PCNX2: variants seen among roughly 807,000 people sequenced by gnomAD.
PCNX2 encodes the protein pecanex 2.
A neutral mutation model predicts 223.8 loss-of-function variants in PCNX2; 168 were observed. The ratio of observed to expected loss-of-function variants is 0.75; its 90% CI spans 0.66 to 0.85. The LOEUF (loss-of-function observed/expected upper bound fraction) is 0.85, where lower values mean the gene tolerates loss of function less well. Among genes scored for constraint, PCNX2 ranks in the 40% least tolerant of loss-of-function variants. The pLI is 0.00. For missense variants in PCNX2, 2,507 were observed against 2,675.5 expected, an observed-to-expected ratio of 0.94 and a Z score of 1.39; for synonymous variants, 1,006 against 1,052.6, an observed-to-expected ratio of 0.96 and a Z score of 0.86.
intron 25 of PCNX2, among the ~76,000 whole-genome samples, chr1:233,033,816 C>G (rs1671352588): frequency 1.3e-5 from 2 of 152,172 alleles, no homozygotes; most frequent in Non-Finnish European, 2.9e-5. Flanking sequence ...AACTGGATAC[C>G]TTTCAGGAAA....
At chr1:233,179,015 G>C in intron 16 of PCNX2, 51 bp downstream of exon 16, 3 of 1,535,526 alleles carry the variant, frequency 2.0e-6, no homozygotes, top group Non-Finnish European at 2.7e-6. Flanking sequence ...AAAGCTGCAG[G>C]AACTATGCCC....
chr1:233,106,178 C>T (rs971343249), intron 21 of PCNX2, among the ~76,000 whole-genome samples: 1 of 152,152 alleles, frequency 6.6e-6, no homozygotes, highest in African/African-American at 2.4e-5. Context: ...TGCACACACT[C>T]TGTCTTCCTT....
intron 19 of PCNX2, among the ~76,000 whole-genome samples, chr1:233,148,135 T>C (rs1428713899): frequency 6.6e-6 from 1 of 152,158 alleles, no homozygotes; most frequent in Admixed American, 6.5e-5. Flanking sequence ...TAATTCTGCA[T>C]CTCTAGATGA....
At chr1:233,181,475 G>A (rs1405982375) in intron 15 of PCNX2, among the ~76,000 whole-genome samples, 3 of 152,100 alleles carry the variant, frequency 2.0e-5, no homozygotes, top group Admixed American at 6.6e-5. Flanking sequence ...TGGGATTAAA[G>A]GGTGAGCCAC....
chr1:233,310,899 A>C, the PCNX2 span, among the ~76,000 whole-genome samples: 1 of 152,112 alleles, frequency 6.6e-6, no homozygotes, highest in African/African-American at 2.4e-5. Flanking sequence ...CTTTCTAACA[A>C]TCAGCTCTCT....
At chr1:233,267,786 C>G (rs11586616) in intron 1 of PCNX2, among the ~76,000 whole-genome samples, 15,093 of 152,152 alleles carry the variant, frequency 0.099, 919 homozygotes, top group South Asian at 0.19. Flanking sequence ...CATTTGGGTT[C>G]CATCTACCTT....
chr1:233,057,980 G>A (rs1672253763), intron 23 of PCNX2: 7 of 984,842 alleles, frequency 7.1e-6, no homozygotes, highest in South Asian at 9.4e-5. Context: ...AGTAGTCAAC[G>A]TCTCCACCAC....
intron 28 of PCNX2, among the ~76,000 whole-genome samples, chr1:233,011,114 T>TA: frequency 6.6e-6 from 1 of 152,286 alleles, no homozygotes; most frequent in South Asian, 2.1e-4. Context: ...AACACACAAT[T>TA]ATGAGCCATT....
intron 24 of PCNX2, among the ~76,000 whole-genome samples, chr1:233,055,118 A>G (rs1223552470): frequency 6.6e-6 from 1 of 152,236 alleles, no homozygotes; most frequent in East Asian, 1.9e-4. Flanking sequence ...GGGTAAAACC[A>G]CTACCAAGAG....
chr1:233,007,418 C>T lies in PCNX2; in HGVS notation c.4953-5737G>A, dbSNP rs555521295. Among the ~76,000 whole-genome samples, 5 of 152,246 alleles carry T rather than the reference C, an allele frequency of 3.3e-5. No homozygotes were observed. In the South Asian group the frequency reaches 8.3e-4, roughly 25 times the overall value. On this transcript the variant is annotated intron_variant, in intron 28 of 33. Coordinates refer to ENST00000258229, the MANE Select transcript of PCNX2 (RefSeq NM_014801.4). ...AGTAAGATGGGTGGGAGCAAATACT[C>T]AGAATCTGATGTCACACTGAAGAAG...
At chr1:233,276,999 G>A (rs1487595689) in intron 1 of PCNX2, among the ~76,000 whole-genome samples, 1 of 152,222 alleles carries the variant, frequency 6.6e-6, no homozygotes, top group African/African-American at 2.4e-5. Context: ...AATCCTTCAA[G>A]GAACTGGTAT....
intron 21 of PCNX2, among the ~76,000 whole-genome samples, chr1:233,130,015 TTCACTCC>T (rs1315186790): frequency 6.6e-6 from 1 of 152,082 alleles, no homozygotes. Flanking sequence ...GGTCTGCAGC[TTCACTCC>T]TGAGGCCAGC....
At position 233,045,705 on chromosome 1, in the gene PCNX2, C is replaced by G. The variant is rs550536970; in HGVS notation, c.4351+8563G>C. On this transcript the variant is annotated intron_variant, in intron 25 of 33. Transcript: ENST00000258229. The stretch of plus-strand genomic sequence containing the variant: ...CCCACATCAGACATTGACTAATGAG[C>G]TGGAGACACAAAGAAGCAGGGTCAT... 2.0e-5 allele frequency among the ~76,000 whole-genome samples: 3 copies of G among 152,290 alleles called. No individual in the cohort carries two copies. The South Asian group carries it at 6.2e-4, about 32-fold the overall frequency.
At chr1:233,032,672 T>C (rs1671311823) in intron 25 of PCNX2, among the ~76,000 whole-genome samples, 1 of 152,078 alleles carries the variant, frequency 6.6e-6, no homozygotes, top group South Asian at 2.1e-4. Flanking sequence ...CACATGTGTG[T>C]GTCTGTGTAT....
chr1:233,018,494 C>A (rs1167361013), intron 26 of PCNX2, among the ~76,000 whole-genome samples: 1 of 152,170 alleles, frequency 6.6e-6, no homozygotes, highest in South Asian at 2.1e-4. Context: ...AAAATGCCTC[C>A]CTTGGGCTTG....
At chr1:233,204,036 C>T (rs1681300542) in intron 13 of PCNX2, among the ~76,000 whole-genome samples, 1 of 152,158 alleles carries the variant, frequency 6.6e-6, no homozygotes, top group Admixed American at 6.5e-5. Context: ...ATTATGTTCC[C>T]ACAAAAGATG....
intron 21 of PCNX2, among the ~76,000 whole-genome samples, chr1:233,123,317 C>G (rs538024510): frequency 6.6e-6 from 1 of 152,294 alleles, no homozygotes; most frequent in South Asian, 2.1e-4. Flanking sequence ...CGCGGTGGCT[C>G]ACACCTGTAA....
intron 17 of PCNX2, chr1:233,172,355 G>C (rs924307146): frequency 2.0e-6 from 2 of 985,298 alleles, no homozygotes; most frequent in Non-Finnish European, 2.4e-6. Context: ...TGGGTACCAC[G>C]TTAAATGTCT....
intron 19 of PCNX2, among the ~76,000 whole-genome samples, chr1:233,149,581 T>C (rs1677669978): frequency 6.6e-6 from 1 of 152,200 alleles, no homozygotes; most frequent in Admixed American, 6.5e-5. Flanking sequence ...AGACAATTGC[T>C]TTTTTCTGTA....
Sources: allele counts gnomAD v4.1 joint callset (sites outside exome capture counted in the v4.1 genomes callset), GRCh38; gene constraint gnomAD v4.1.1; transcripts MANE v1.5; gene names NCBI Gene and HGNC (gene_info 2026-07-23, HGNC 2026-07-21).